TANC2: variants seen among roughly 807,000 people sequenced by gnomAD.
TANC2 encodes tetratricopeptide repeat, ankyrin repeat and coiled-coil containing 2.
In TANC2, 26 loss-of-function variants were observed where a neutral mutation model predicts 210.5. The observed-to-expected ratio is 0.12, with a 90% CI of 0.09 to 0.17. TANC2 has a LOEUF of 0.17. Among genes scored for constraint, TANC2 ranks in the 10% least tolerant of loss-of-function variants. The pLI is 1.00. For synonymous variants in TANC2, 931 were observed against 967.1 expected (o/e 0.96, Z 0.69); for missense variants, 2,129 against 2,608.9 (o/e 0.82, Z 4.01).
chr17:63,204,734 AT>A (rs1164660071), intron 7 of TANC2, among the ~76,000 whole-genome samples: 3 of 152,230 alleles, frequency 2.0e-5, no homozygotes, highest in Admixed American at 6.5e-5. Context: ...GACGACTCAC[AT>A]TTCCTGATTT....
At chr17:63,141,252 A>C (rs1237959513) in intron 4 of TANC2, among the ~76,000 whole-genome samples, 1 of 150,806 alleles carries the variant, frequency 6.6e-6, no homozygotes, top group African/African-American at 2.4e-5. Context: ...AAATAAAAGT[A>C]TAAAATAGGC....
At chr17:63,091,913 GAA>G (rs2037210940) in intron 3 of TANC2, among the ~76,000 whole-genome samples, 1 of 152,126 alleles carries the variant, frequency 6.6e-6, no homozygotes, top group Non-Finnish European at 1.5e-5. Context: ...AGTTCTCCTT[GAA>G]GAGCTCCTTC....
rs2044016550 is a variant in TANC2, at chr17:63,280,152, G to A, written c.1159+12279G>A. 2.0e-5 allele frequency among the ~76,000 whole-genome samples: 3 copies of A among 151,972 alleles called. No homozygotes were observed. The South Asian group carries it at 6.2e-4, about 32-fold the overall frequency. ...ACATTTAATGAAACTGCCTCCAAAA[G>A]CAGTTAATTCCACTTGCCCAGGGTA... On this transcript the variant is annotated intron_variant, in intron 9 of 27. Coordinates refer to ENST00000689528, the Ensembl canonical transcript of TANC2.
intron 1 of TANC2, among the ~76,000 whole-genome samples, chr17:62,974,020 A>G (rs754867664): frequency 7.9e-5 from 12 of 152,220 alleles, no homozygotes; most frequent in Admixed American, 4.6e-4. Flanking sequence ...CTAAATATTT[A>G]CTAGCTAGCT....
intron 11 of TANC2, among the ~76,000 whole-genome samples, chr17:63,338,755 C>T (rs1368623985): frequency 6.6e-5 from 10 of 152,242 alleles, no homozygotes; most frequent in Admixed American, 5.9e-4. Flanking sequence ...TTCATTGCTT[C>T]ACTCACAGGC....
At chr17:63,303,414 A>G (rs2044787769) in intron 9 of TANC2, among the ~76,000 whole-genome samples, 1 of 152,144 alleles carries the variant, frequency 6.6e-6, no homozygotes, top group South Asian at 2.1e-4. Flanking sequence ...AGAATGTTGA[A>G]TATTGGCCCC....
intron 1 of TANC2, among the ~76,000 whole-genome samples, chr17:62,978,070 A>G (rs1446779088): frequency 6.6e-6 from 1 of 152,076 alleles, no homozygotes; most frequent in Non-Finnish European, 1.5e-5. Flanking sequence ...ACACTGTACC[A>G]TAATTTATTA....
chr17:63,402,866 A>C (rs1037375091), intron 19 of TANC2, among the ~76,000 whole-genome samples: 1 of 152,234 alleles, frequency 6.6e-6, no homozygotes, highest in Non-Finnish European at 1.5e-5. Flanking sequence ...GATAAATCTC[A>C]TATAAAATCC....
chr17:63,360,535 A>T (rs1030604334), intron 14 of TANC2, among the ~76,000 whole-genome samples: 1 of 152,296 alleles, frequency 6.6e-6, no homozygotes, highest in African/African-American at 2.4e-5. Context: ...ATATATATAT[A>T]TATGGTTACA....
At chr17:63,206,354 A>G (rs574964182) in intron 7 of TANC2, among the ~76,000 whole-genome samples, 3 of 152,334 alleles carry the variant, frequency 2.0e-5, no homozygotes, top group African/African-American at 7.2e-5. Flanking sequence ...TTCTAAGTAT[A>G]TACCTGAAAG....
At chr17:63,350,169 G>C (rs1229478147) in intron 12 of TANC2, among the ~76,000 whole-genome samples, 1 of 152,102 alleles carries the variant, frequency 6.6e-6, no homozygotes, top group African/African-American at 2.4e-5. Context: ...AATTGGTCTT[G>C]ACTTTCAAAG....
At chr17:63,161,785 C>CT (rs1351081868) in intron 5 of TANC2, among the ~76,000 whole-genome samples, 5 of 152,170 alleles carry the variant, frequency 3.3e-5, no homozygotes, top group Admixed American at 3.3e-4. Context: ...TTGATGACCT[C>CT]TAAGACCCTG....
At chr17:63,194,254 A>G in intron 6 of TANC2, 115 bp downstream of exon 6, 1 of 1,092,944 alleles carries the variant, frequency 9.1e-7, no homozygotes, top group South Asian at 2.1e-5. Context: ...AACTTTCCAT[A>G]ATCACTATTA....
intron 3 of TANC2, among the ~76,000 whole-genome samples, chr17:63,075,755 GTGATCCATTCACC>G (rs1441681313): frequency 6.6e-6 from 1 of 152,030 alleles, no homozygotes; most frequent in Non-Finnish European, 1.5e-5. Context: ...CTGACCTCAA[GTGATCCATTCACC>G]TCACCCTCCC....
exon 28 of TANC2, chr17:63,424,516 G>T (rs750646640): frequency 1.3e-5 from 2 of 152,142 alleles, no homozygotes; most frequent in Admixed American, 6.5e-5. Flanking sequence ...GCAAACACTC[G>T]CTGAGTCCAT....
At chr17:62,999,034 CT>C (rs1018043815) in intron 1 of TANC2, among the ~76,000 whole-genome samples, 1 of 152,196 alleles carries the variant, frequency 6.6e-6, no homozygotes, top group African/African-American at 2.4e-5. Flanking sequence ...ATATTTGCCC[CT>C]GCCCAAATTT....
At chr17:63,059,555 T>A (rs889781593) in intron 2 of TANC2, among the ~76,000 whole-genome samples, 1 of 152,214 alleles carries the variant, frequency 6.6e-6, no homozygotes, top group Non-Finnish European at 1.5e-5. Context: ...TTAGGGAGAT[T>A]CCTCTTATGT....
At chr17:63,219,395 A>G (rs1190897384) in intron 7 of TANC2, among the ~76,000 whole-genome samples, 1 of 151,660 alleles carries the variant, frequency 6.6e-6, no homozygotes, top group African/African-American at 2.4e-5. Flanking sequence ...GATGTTGCCT[A>G]CTGGCCCACA....
intron 7 of TANC2, among the ~76,000 whole-genome samples, chr17:63,222,183 C>G (rs1416603728): frequency 6.6e-6 from 1 of 152,096 alleles, no homozygotes; most frequent in Non-Finnish European, 1.5e-5. Context: ...TTTTGGTACA[C>G]TTATATTGGT....
Sources: gnomAD v4.1 joint callset for allele counts (sites outside exome capture counted in the v4.1 genomes callset) on GRCh38, gnomAD v4.1.1 for gene constraint, MANE v1.5 for transcripts, NCBI Gene and HGNC (gene_info 2026-07-23, HGNC 2026-07-21) for gene names.